ACOXL: variants seen among roughly 807,000 people sequenced by gnomAD.
ACOXL encodes the protein acyl-coenzyme A oxidase-like protein.
In ACOXL, 70 loss-of-function variants were observed where a neutral mutation model predicts 71.9. That is an observed-to-expected ratio of 0.97 (90% CI 0.80 to 1.19). The LOEUF (loss-of-function observed/expected upper bound fraction) is 1.19, where lower values mean the gene tolerates loss of function less well. Ranked by LOEUF, ACOXL falls within the 50% of genes most tolerant of loss-of-function variation. The pLI is 0.00. For missense variants in ACOXL, 703 were observed against 736.3 expected (o/e 0.95, Z 0.52); for synonymous variants, 253 against 281.6 (o/e 0.90, Z 1.02).
At chr2:110,811,727 GCATACACA>G (rs1271434986) in intron 9 of ACOXL, among the ~76,000 whole-genome samples, 47 of 29,336 alleles carry the variant, frequency 1.6e-3, no homozygotes, top group East Asian at 9.7e-3. Flanking sequence ...TGTTTTTTTT[GCATACACA>G]CACACACACA....
At chr2:110,767,109 A>C (rs1450775515) in intron 1 of ACOXL, among the ~76,000 whole-genome samples, 1 of 152,190 alleles carries the variant, frequency 6.6e-6, no homozygotes, top group East Asian at 1.9e-4. Context: ...ATCTCCAAGA[A>C]GGTTTTCTAT....
chr2:110,866,193 C>T (rs540366666), intron 10 of ACOXL, among the ~76,000 whole-genome samples: 1 of 152,146 alleles, frequency 6.6e-6, no homozygotes, highest in East Asian at 1.9e-4. Flanking sequence ...CAGGAAGGGG[C>T]CATGGGGCAA....
chr2:110,906,316 T>A (rs966667908), intron 10 of ACOXL, among the ~76,000 whole-genome samples: 4 of 151,816 alleles, frequency 2.6e-5, no homozygotes, highest in African/African-American at 9.7e-5. Flanking sequence ...GGCGGGTGGA[T>A]CACCTGAGTT....
intron 15 of ACOXL, among the ~76,000 whole-genome samples, chr2:111,048,195 G>A (rs2066109988): frequency 6.6e-6 from 1 of 152,222 alleles, no homozygotes; most frequent in East Asian, 1.9e-4. Context: ...GATGGGACCA[G>A]AGGGCAATCA....
At chr2:111,092,539 G>A (rs935045151) in intron 16 of ACOXL, among the ~76,000 whole-genome samples, 8 of 152,136 alleles carry the variant, frequency 5.3e-5, no homozygotes, top group South Asian at 2.1e-4. Context: ...CCTAAATAAC[G>A]TGGGCTAGAG....
At chr2:111,047,244 C>T (rs925505863) in intron 15 of ACOXL, among the ~76,000 whole-genome samples, 2 of 152,182 alleles carry the variant, frequency 1.3e-5, no homozygotes, top group South Asian at 2.1e-4. Flanking sequence ...TCTATGATAA[C>T]GAAAAGTATC....
intron 1 of ACOXL, among the ~76,000 whole-genome samples, chr2:110,753,525 T>G (rs1425982287): frequency 6.6e-6 from 1 of 152,220 alleles, no homozygotes; most frequent in Non-Finnish European, 1.5e-5. Flanking sequence ...TTTCCTAGGT[T>G]AATATATGTC....
chr2:110,855,231 C>G (rs1286692280), intron 10 of ACOXL, among the ~76,000 whole-genome samples: 1 of 152,210 alleles, frequency 6.6e-6, no homozygotes, highest in Non-Finnish European at 1.5e-5. Context: ...TAAAACTAGT[C>G]TTGATGTGGA....
At chr2:110,772,376 G>A (rs553262343) in intron 2 of ACOXL, among the ~76,000 whole-genome samples, 6 of 152,268 alleles carry the variant, frequency 3.9e-5, no homozygotes, top group East Asian at 3.9e-4. Flanking sequence ...TGCATCTGGG[G>A]TTGCGGACTG....
At chr2:111,094,663 CTG>C (rs2068710450) in intron 17 of ACOXL, among the ~76,000 whole-genome samples, 1 of 152,222 alleles carries the variant, frequency 6.6e-6, no homozygotes, top group Non-Finnish European at 1.5e-5. Flanking sequence ...CCTCTCATCA[CTG>C]TTGCATTGGG....
At chr2:110,813,927 A>C (rs1480719661) in intron 9 of ACOXL, among the ~76,000 whole-genome samples, 1 of 152,200 alleles carries the variant, frequency 6.6e-6, no homozygotes, top group Non-Finnish European at 1.5e-5. Context: ...AGGAAGATGT[A>C]ACAGTTTGCC....
chr2:111,008,474 C>T (rs1294092375), intron 14 of ACOXL, among the ~76,000 whole-genome samples: 1 of 152,114 alleles, frequency 6.6e-6, no homozygotes, highest in Non-Finnish European at 1.5e-5. Context: ...TTTTTACAGC[C>T]ACAGAATAAT....
chr2:111,111,328 G>A (rs1272921682), intron 17 of ACOXL, among the ~76,000 whole-genome samples: 2 of 152,068 alleles, frequency 1.3e-5, no homozygotes, highest in Non-Finnish European at 2.9e-5. Context: ...TGGAACTCCT[G>A]AGCTCAAGCA....
At chr2:110,909,262 T>A (rs1045200275) in intron 11 of ACOXL, among the ~76,000 whole-genome samples, 3 of 152,128 alleles carry the variant, frequency 2.0e-5, no homozygotes, top group Non-Finnish European at 2.9e-5. Flanking sequence ...AGGTTCTAAT[T>A]TACAGTAAAG....
In ACOXL at chr2:110,957,059, C is replaced by G. The variant is rs1032969766; in HGVS notation, c.1059+23417C>G. On this transcript the variant is annotated intron_variant, in intron 12 of 17. Transcript: ENST00000439055. ...AACATGGGTTTAGAGTTCCCTCTGT[C>G]TATCCCATGTTTCTTTCTCTCCTGC... Among the ~76,000 whole-genome samples the G allele has an allele frequency of 5.9e-5, 9 of 152,094 alleles. 1 individual carries two copies. The highest frequency in any genetic ancestry group is 4.6e-4 in the Admixed American group (7 of 15,264).
intron 1 of ACOXL, among the ~76,000 whole-genome samples, chr2:110,753,457 C>T (rs974492313): frequency 1.3e-5 from 2 of 152,204 alleles, no homozygotes; most frequent in African/African-American, 4.8e-5. Flanking sequence ...TGAGTGTCCT[C>T]ACATCTTGGC....
intron 16 of ACOXL, among the ~76,000 whole-genome samples, chr2:111,059,761 CACAAAGGAAAAAAAAAAAAGAGAGAAG>C (rs1172256169): frequency 8.7e-6 from 1 of 115,588 alleles, no homozygotes; most frequent in Non-Finnish European, 1.8e-5. Flanking sequence ...AGCTAACGCA[CACAAAGGAAAAAAAAAAAAGAGAGAAG>C]AAGGGGTAGA....
At chr2:110,768,099 G>T (rs1001718250) in intron 1 of ACOXL, among the ~76,000 whole-genome samples, 1 of 152,066 alleles carries the variant, frequency 6.6e-6, no homozygotes, top group African/African-American at 2.4e-5. Flanking sequence ...ACTGCTGCAC[G>T]CCAGCCTAGG....
chr2:110,925,652 A>G (rs2060241933), intron 11 of ACOXL, among the ~76,000 whole-genome samples: 1 of 152,170 alleles, frequency 6.6e-6, no homozygotes, highest in Admixed American at 6.5e-5. Context: ...TTCCATCCAG[A>G]CCACTAAAAC....
Sources: allele counts gnomAD v4.1 joint callset (sites outside exome capture counted in the v4.1 genomes callset), GRCh38; gene constraint gnomAD v4.1.1; transcripts MANE v1.5; gene names NCBI Gene and HGNC (gene_info 2026-07-23, HGNC 2026-07-21).